Variants in ADGRL3 observed in about 807,000 individuals in gnomAD.
The protein encoded by ADGRL3 is calcium-independent alpha-latrotoxin receptor 3.
ADGRL3 carries 62 observed loss-of-function variants against 153.5 expected under a neutral mutation model. The observed-to-expected ratio is 0.40, with a 90% CI of 0.33 to 0.50. The LOEUF (loss-of-function observed/expected upper bound fraction) is 0.50. Ranked by LOEUF, ADGRL3 falls within the 20% of genes least tolerant of loss-of-function variation. ADGRL3 has a pLI of 0.47. For synonymous variants in ADGRL3, 710 were observed against 672.5 expected (o/e 1.06, Z -0.86); for missense variants, 1,641 against 1,859.4 (o/e 0.88, Z 2.16).
At chr4:61,878,007 C>G (rs1392443982) in intron 9 of ADGRL3, among the ~76,000 whole-genome samples, 1 of 152,150 alleles carries the variant, frequency 6.6e-6, no homozygotes, top group Non-Finnish European at 1.5e-5. Context: ...TCCCCTTCAC[C>G]TTCCGCCATG....
At chr4:61,841,919 C>A (rs1011879709) in intron 9 of ADGRL3, among the ~76,000 whole-genome samples, 1 of 152,206 alleles carries the variant, frequency 6.6e-6, no homozygotes, top group Non-Finnish European at 1.5e-5. Flanking sequence ...GATAAATGAC[C>A]GAAATTTGGC....
At chr4:61,867,626 C>T (rs1467067058) in intron 9 of ADGRL3, among the ~76,000 whole-genome samples, 9 of 147,262 alleles carry the variant, frequency 6.1e-5, no homozygotes, top group Admixed American at 4.8e-4. Flanking sequence ...AAGAGAAAAG[C>T]GTATAGATTT....
intron 8 of ADGRL3, 44 bp downstream of exon 8, chr4:61,733,598 G>A: frequency 7.4e-7 from 1 of 1,349,728 alleles, no homozygotes; most frequent in Non-Finnish European, 1.0e-6. Flanking sequence ...AATATTTACT[G>A]TTTGTTCTCA....
At chr4:61,955,868 AT>A (rs544294853) in intron 17 of ADGRL3, among the ~76,000 whole-genome samples, 61 of 152,262 alleles carry the variant, frequency 4.0e-4, no homozygotes, top group Admixed American at 3.8e-3. Context: ...ACATGACCTC[AT>A]TCCTTTTTAT....
At position 62,070,850 on chromosome 4, in the gene ADGRL3, A is replaced by G. The variant is rs923090311; in HGVS notation, c.4574A>G (p.Asp1525Gly). The stretch of plus-strand genomic sequence containing the variant: ...GGATTTATAGTTCCTCCAAACAAAG[A>G]TGGGACCCCTCCCGAGGGAAGTTCA... ...SDGFIVPPNKDGTPPEGSSKG... is the reference protein window; with the variant it reads ...SDGFIVPPNKGGTPPEGSSKG... Residue 1525 changes from aspartate (D) to glycine (G), a missense_variant, in exon 27 of 27, where the codon GAT becomes GGT. Around this residue, in one of 5 missense-constraint regions of ADGRL3, gnomAD observed 517 missense variants for 555.0 expected, o/e 0.93. Transcript: ENST00000683033. 4 of 1,551,542 alleles carry G rather than the reference A, an allele frequency of 2.6e-6. No individual in the cohort carries two copies. In the African/African-American group the frequency reaches 4.1e-5, roughly 16 times the overall value.
intron 1 of ADGRL3, among the ~76,000 whole-genome samples, chr4:61,268,668 G>A (rs2149737989): frequency 6.6e-6 from 1 of 151,510 alleles, no homozygotes; most frequent in South Asian, 2.1e-4. Context: ...TTTTATTCCA[G>A]TGGTGTGTGG....
At chr4:61,545,865 T>G (rs2098711375) in intron 4 of ADGRL3, among the ~76,000 whole-genome samples, 1 of 131,558 alleles carries the variant, frequency 7.6e-6, no homozygotes, top group South Asian at 2.7e-4. Context: ...TCAAAAATCT[T>G]TCTTATAACC....
At chr4:61,280,444 A>C (rs949092123) in intron 1 of ADGRL3, among the ~76,000 whole-genome samples, 1 of 152,020 alleles carries the variant, frequency 6.6e-6, no homozygotes, top group Non-Finnish European at 1.5e-5. Context: ...AAAATAAAAG[A>C]TGTTGCTGTA....
At chr4:61,718,076 C>A (rs190654444) in intron 6 of ADGRL3, among the ~76,000 whole-genome samples, 30 of 151,782 alleles carry the variant, frequency 2.0e-4, no homozygotes, top group African/African-American at 7.0e-4. Context: ...AAATACAATA[C>A]AATAAAAATG....
chr4:61,234,326 C>T (rs1363215160), intron 1 of ADGRL3, among the ~76,000 whole-genome samples: 1 of 152,046 alleles, frequency 6.6e-6, no homozygotes, highest in Non-Finnish European at 1.5e-5. Flanking sequence ...ACCTGATAAA[C>T]CCATCCGGTC....
At chr4:62,049,226 C>T (rs1308700157) in intron 25 of ADGRL3, among the ~76,000 whole-genome samples, 1 of 152,050 alleles carries the variant, frequency 6.6e-6, no homozygotes, top group Admixed American at 6.6e-5. Flanking sequence ...ATTCCCACCC[C>T]AGCCCTGAAG....
intron 4 of ADGRL3, among the ~76,000 whole-genome samples, chr4:61,520,759 T>C (rs1319346311): frequency 1.3e-5 from 2 of 151,458 alleles, no homozygotes; most frequent in Admixed American, 6.6e-5. Context: ...TAGTATGGAA[T>C]TCTAAGGACC....
intron 9 of ADGRL3, among the ~76,000 whole-genome samples, chr4:61,851,570 A>G (rs1182631845): frequency 1.4e-5 from 2 of 146,850 alleles, no homozygotes; most frequent in African/African-American, 5.2e-5. Context: ...AGCATGAGCA[A>G]CAGAGTGAGA....
chr4:61,840,210 G>T (rs1395942391), intron 9 of ADGRL3, among the ~76,000 whole-genome samples: 1 of 152,078 alleles, frequency 6.6e-6, no homozygotes, highest in Non-Finnish European at 1.5e-5. Flanking sequence ...CTCCCATGTA[G>T]CTGGGATTAC....
chr4:61,431,881 T>C (rs1339595959), intron 2 of ADGRL3, among the ~76,000 whole-genome samples: 1 of 152,214 alleles, frequency 6.6e-6, no homozygotes, highest in Non-Finnish European at 1.5e-5. Flanking sequence ...TGAATTTATC[T>C]CTGCTTTTCT....
intron 2 of ADGRL3, among the ~76,000 whole-genome samples, chr4:61,429,171 C>T (rs2097325183): frequency 6.6e-6 from 1 of 152,058 alleles, no homozygotes; most frequent in Non-Finnish European, 1.5e-5. Flanking sequence ...TGTTTGAGAA[C>T]ATAAACCAGC....
intron 5 of ADGRL3, among the ~76,000 whole-genome samples, chr4:61,640,384 G>A (rs1049448986): frequency 6.6e-6 from 1 of 152,208 alleles, no homozygotes; most frequent in Middle Eastern, 3.4e-3. Flanking sequence ...GGTTCATGTT[G>A]CCCCAAAGAT....
At chr4:62,047,049 T>G (rs1000242581) in intron 25 of ADGRL3, among the ~76,000 whole-genome samples, 1 of 152,010 alleles carries the variant, frequency 6.6e-6, no homozygotes, top group African/African-American at 2.4e-5. Context: ...CTTCTGTTTA[T>G]TCAAAAGATT....
intron 8 of ADGRL3, among the ~76,000 whole-genome samples, chr4:61,758,323 T>G (rs2096864606): frequency 6.6e-6 from 1 of 152,190 alleles, no homozygotes. Flanking sequence ...CTACGTCTCT[T>G]TCTAGGTCTC....
Sources: allele counts gnomAD v4.1 joint callset (sites outside exome capture counted in the v4.1 genomes callset), GRCh38; gene constraint gnomAD v4.1.1; regional missense constraint gnomAD v4.1.1; transcripts MANE v1.5; gene names NCBI Gene and HGNC (gene_info 2026-07-23, HGNC 2026-07-21).